The following TENT2 variants were observed in gnomAD, a reference collection of about 807,000 sequenced individuals.
TENT2 encodes terminal nucleotidyltransferase 2, also known as poly(A) RNA polymerase GLD2.
Under a neutral mutation model 72.2 loss-of-function variants are expected in TENT2, and 44 were observed. That is an observed-to-expected ratio of 0.61 (90% CI 0.48 to 0.78). TENT2 has a LOEUF of 0.78. Among genes scored for constraint, TENT2 ranks in the 30% least tolerant of loss-of-function variants. TENT2 has a pLI of 0.00. For synonymous variants in TENT2, 212 were observed against 192.5 expected (o/e 1.10, Z -0.84); for missense variants, 541 against 569.6 (o/e 0.95, Z 0.51).
intron 6 of TENT2, among the ~76,000 whole-genome samples, chr5:79,641,528 A>G (rs954048131): frequency 4.6e-5 from 7 of 151,754 alleles, no homozygotes; most frequent in African/African-American, 1.5e-4. Flanking sequence ...GTATGTGGCA[A>G]TATTATCTTC....
intron 12 of TENT2, among the ~76,000 whole-genome samples, chr5:79,675,883 G>A (rs1424261287): frequency 2.0e-5 from 3 of 152,098 alleles, no homozygotes; most frequent in Non-Finnish European, 4.4e-5. Context: ...AGAAACATCA[G>A]ATTATTGGAG....
At chr5:79,657,990 A>G (rs751676585) in intron 11 of TENT2, among the ~76,000 whole-genome samples, 1 of 152,228 alleles carries the variant, frequency 6.6e-6, no homozygotes, top group Non-Finnish European at 1.5e-5. Context: ...ATAGTTTAAT[A>G]TCTGATAATT....
chr5:79,675,951 T>C (rs1423605825), intron 12 of TENT2, among the ~76,000 whole-genome samples: 2 of 152,122 alleles, frequency 1.3e-5, no homozygotes, highest in African/African-American at 4.8e-5. Context: ...TGATGGATAC[T>C]AACATTTAAA....
chr5:79,685,162 T>A lies in TENT2; in HGVS notation c.1381-37T>A, dbSNP rs1397197717. 8.3e-6 allele frequency: 12 copies of A among 1,447,318 alleles called. No homozygotes were observed. In the Admixed American group the frequency reaches 2.2e-4, roughly 26 times the overall value. The allele number at this position is 1,447,318 out of a possible 1,614,324, so 89.7% of individuals were successfully genotyped here. A position where few individuals can be genotyped will look rare whatever the true frequency, so the allele number is the denominator to read the frequency against. On this transcript the variant is annotated intron_variant, in intron 14 of 14. Transcript: ENST00000453514. ...CTCTCAGTCTTTTGTTCTGCATAAA[T>A]TTTAGGTTTTAAGAATGATTTTTCT... is the stretch of plus-strand genomic sequence containing the variant.
intron 12 of TENT2, among the ~76,000 whole-genome samples, chr5:79,676,151 CATATATATGT>C (rs1817101557): frequency 7.4e-6 from 1 of 135,506 alleles, no homozygotes; most frequent in African/African-American, 3.2e-5. Context: ...TATATATATA[CATATATATGT>C]ATACACACAC....
rs193009895 is a variant in TENT2 at position 79,615,991 on chromosome 5, C to T, written c.-38+2916C>T. The stretch of plus-strand genomic sequence containing the variant: ...GTAACCTCTGCTTGCCAGGTTCAAG[C>T]GATTCCCCTGCCTCAGCCTCCCAAG... On this transcript the variant is annotated intron_variant, in intron 1 of 14. Transcript: ENST00000453514. Among the ~76,000 whole-genome samples, 629 of 152,028 alleles carry T rather than the reference C, an allele frequency of 4.1e-3. 4 individuals are homozygous for T. Among genetic ancestry groups the T allele is most frequent in the African/African-American group, 0.014 (591 of 41,474 alleles).
At chr5:79,660,826 A>C (rs1443005268) in intron 11 of TENT2, among the ~76,000 whole-genome samples, 5 of 152,158 alleles carry the variant, frequency 3.3e-5, no homozygotes, top group South Asian at 2.1e-4. Context: ...TTCCAGAAGA[A>C]GACATTGTTA....
At chr5:79,649,263 C>G (rs764865296) in intron 10 of TENT2, 73 bp downstream of exon 10, 2 of 1,376,836 alleles carry the variant, frequency 1.5e-6, no homozygotes, top group African/African-American at 2.9e-5. Context: ...CTCTGTTGAC[C>G]CTATTTTCAA....
At chr5:79,644,591 C>G (rs34059910) in intron 7 of TENT2, 30,867 of 152,044 alleles carry the variant, frequency 0.2, 4,629 homozygotes, top group African/African-American at 0.42. Context: ...CCTATCAACT[C>G]ATACTCCTTT....
At chr5:79,617,786 C>T (rs763288093) in intron 1 of TENT2, among the ~76,000 whole-genome samples, 6 of 152,304 alleles carry the variant, frequency 3.9e-5, no homozygotes, top group East Asian at 1.9e-4. Context: ...GAGTCCATGT[C>T]CTGTGCTATT....
chr5:79,633,032 A>G (rs1776803326), intron 4 of TENT2, among the ~76,000 whole-genome samples: 1 of 152,216 alleles, frequency 6.6e-6, no homozygotes, highest in Non-Finnish European at 1.5e-5. Flanking sequence ...CCTTACACAA[A>G]AACATAGTAA....
chr5:79,650,812 A>G (rs544078415), intron 10 of TENT2, among the ~76,000 whole-genome samples: 1 of 152,152 alleles, frequency 6.6e-6, no homozygotes, highest in South Asian at 2.1e-4. Flanking sequence ...ATGATACCCA[A>G]ATTGAGAATT....
chr5:79,615,458 A>C (rs1758929407), intron 1 of TENT2, among the ~76,000 whole-genome samples: 1 of 152,260 alleles, frequency 6.6e-6, no homozygotes, highest in Admixed American at 6.5e-5. Flanking sequence ...TTTTCTGAAT[A>C]CATATTTCTT....
At chr5:79,632,954 A>G (rs1371647376) in intron 4 of TENT2, among the ~76,000 whole-genome samples, 1 of 152,196 alleles carries the variant, frequency 6.6e-6, no homozygotes, top group Non-Finnish European at 1.5e-5. Context: ...TTCAGGGGGA[A>G]AACAATCAGT....
Position 79,620,182 on chromosome 5 carries a change from T to C in TENT2, c.227+99T>C. The C allele has an allele frequency of 3.9e-6, 3 of 778,922 alleles. 1 individual carries two copies. The highest frequency in any genetic ancestry group is 6.1e-6 in the Non-Finnish European group (3 of 494,648). The allele number at this position is 778,922 out of a possible 1,614,324, so 48.3% of individuals were successfully genotyped here. On this transcript the variant is annotated intron_variant, in intron 3 of 14. Coordinates refer to ENST00000453514, the MANE Select transcript of TENT2 (RefSeq NM_001114394.3). Reference sequence around the variant, plus strand: ...AATATTGTATGGACCCTAAGCCCTATGTTTTGTTTTCTGGGACCTGTACGA... The same window carrying C: ...AATATTGTATGGACCCTAAGCCCTACGTTTTGTTTTCTGGGACCTGTACGA...
intron 11 of TENT2, among the ~76,000 whole-genome samples, chr5:79,661,870 C>A (rs1343338564): frequency 6.6e-6 from 1 of 152,194 alleles, no homozygotes; most frequent in African/African-American, 2.4e-5. Context: ...TAGCATTTTA[C>A]GTACAGTAGA....
In TENT2 at chr5:79,640,871, G is replaced by A. The variant is rs1287558997; in HGVS notation, c.486G>A (p.Glu162=). ...AKDKLSQQIL[E]LFETCQQQIS... ...TCAAGTTGAGTCAGCAGATACTGGA[G>A]TTATTTGAAACATGTCAGCAGCAAA... Residue 162 remains glutamate (E), a synonymous_variant, in exon 5 of 15, where the codon GAG becomes GAA. Coordinates refer to ENST00000453514, the MANE Select transcript of TENT2 (RefSeq NM_001114394.3). 1.6e-5 allele frequency: 26 copies of A among 1,609,818 alleles called. No homozygotes were observed. Among genetic ancestry groups the A allele is most frequent in the Non-Finnish European group, 2.2e-5 (26 of 1,178,504 alleles).
rs759087005 is a variant in TENT2 at position 79,664,215 on chromosome 5, A to G, written c.1072-4677A>G. The stretch of plus-strand genomic sequence containing the variant: ...TACCAAGGGACAACTGTACACACAT[A>G]TATATAGCAACTTTTTCATTTTAAA... On this transcript the variant is annotated intron_variant, in intron 11 of 14. Coordinates refer to ENST00000453514, the MANE Select transcript of TENT2 (RefSeq NM_001114394.3). Among the ~76,000 whole-genome samples, 67 of 152,246 alleles carry G rather than the reference A, an allele frequency of 4.4e-4. 1 individual carries two copies. The highest frequency in any genetic ancestry group is 3.4e-3 in the Middle Eastern group (1 of 294).
At chr5:79,668,677 G>A (rs988805560) in intron 11 of TENT2, 5 of 476,084 alleles carry the variant, frequency 1.1e-5, no homozygotes, top group Middle Eastern at 5.6e-4. Flanking sequence ...ATATACTCAA[G>A]CCAAGGATTA....
Sources: gnomAD v4.1 joint callset for allele counts (sites outside exome capture counted in the v4.1 genomes callset) on GRCh38, gnomAD v4.1.1 for gene constraint, MANE v1.5 for transcripts, NCBI Gene and HGNC (gene_info 2026-07-23, HGNC 2026-07-21) for gene names.